The following GLYATL3 variants were observed in gnomAD, a reference collection of about 807,000 sequenced individuals.
GLYATL3 encodes glycine-N-acyltransferase like 3.
GLYATL3 carries 31 observed loss-of-function variants against 28.5 expected under a neutral mutation model. The observed-to-expected ratio is 1.09, with a 90% CI of 0.82 to 1.47. The LOEUF is 1.47. Ranked by LOEUF, GLYATL3 falls within the 40% of genes most tolerant of loss-of-function variation. GLYATL3 has a pLI of 0.00. For missense variants in GLYATL3, 369 were observed against 351.5 expected (o/e 1.05, Z -0.40); for synonymous variants, 141 against 140.2 (o/e 1.01, Z -0.04).
rs1337365871 is a variant in GLYATL3, at chr6:49,515,690, C to T, written c.116C>T (p.Pro39Leu). Reference sequence around the variant, plus strand: ...GTGATGAACATAAATCGTGGGAACCCCTTTCAAAAGGAAGTGGTGTTGGAT... The same window carrying T: ...GTGATGAACATAAATCGTGGGAACCTCTTTCAAAAGGAAGTGGTGTTGGAT... ...GAVMNINRGN[P>L]FQKEVVLDSW... The change falls in exon 3 of 6, where the codon CCC (proline) becomes CTC (leucine). Residue 39 changes from proline (P) to leucine (L), a missense_variant. Pro to Leu is a moderately conservative substitution (Grantham distance 98). Transcript: ENST00000371197. 1 of 1,551,062 alleles carries T rather than the reference C, an allele frequency of 6.4e-7. No homozygotes were observed. The highest frequency in any genetic ancestry group is 2.0e-5 in the Admixed American group (1 of 50,976).
At chr6:49,523,139 T>C (rs1017272559) in intron 5 of GLYATL3, among the ~76,000 whole-genome samples, 1 of 151,864 alleles carries the variant, frequency 6.6e-6, no homozygotes, top group Non-Finnish European at 1.5e-5. Context: ...AAATGCAAAA[T>C]CAACAAAGGG....
At chr6:49,515,525 G>GTA (rs746239587) in intron 2 of GLYATL3, 128 bp from the exon 3 acceptor site, 70 of 588,738 alleles carry the variant, frequency 1.2e-4, no homozygotes, top group Admixed American at 2.1e-4. Flanking sequence ...CTGAATGTAT[G>GTA]TATATATATA....
At chr6:49,514,052 G>A (rs1481389278) in intron 2 of GLYATL3, among the ~76,000 whole-genome samples, 3 of 152,148 alleles carry the variant, frequency 2.0e-5, no homozygotes, top group Non-Finnish European at 4.4e-5. Context: ...GCTACAAAGT[G>A]CACACAATTT....
intron 2 of GLYATL3, among the ~76,000 whole-genome samples, chr6:49,512,711 G>A (rs1434227825): frequency 6.6e-6 from 1 of 152,078 alleles, no homozygotes; most frequent in East Asian, 1.9e-4. Context: ...CCCTATGCCT[G>A]GTTTTCAAAT....
chr6:49,513,854 C>T (rs1183803982), intron 2 of GLYATL3, among the ~76,000 whole-genome samples: 1 of 152,136 alleles, frequency 6.6e-6, no homozygotes, highest in Non-Finnish European at 1.5e-5. Context: ...CTTGTAGTCC[C>T]ATCTACTCGG....
intron 1 of GLYATL3, among the ~76,000 whole-genome samples, chr6:49,502,804 T>A (rs1768938163): frequency 6.6e-6 from 1 of 152,206 alleles, no homozygotes; most frequent in Non-Finnish European, 1.5e-5. Flanking sequence ...TTACTCCTTT[T>A]AATAATTTTC....
intron 2 of GLYATL3, among the ~76,000 whole-genome samples, chr6:49,514,676 T>A (rs1050962063): frequency 1.9e-4 from 25 of 134,344 alleles, no homozygotes; most frequent in Admixed American, 3.2e-4. Flanking sequence ...ACAAAAAAAA[T>A]TTTTTTAATT....
intron 2 of GLYATL3, among the ~76,000 whole-genome samples, chr6:49,512,288 T>A (rs578181589): frequency 1.3e-5 from 2 of 150,328 alleles, no homozygotes; most frequent in Admixed American, 1.3e-4. Flanking sequence ...TTCTTTCTTT[T>A]TTTTTTTTTT....
At position 49,517,474 on chromosome 6, in the gene GLYATL3, G is replaced by A; in HGVS notation, c.231G>A (p.Val77=). 6.5e-7 allele frequency: 1 copy of A among 1,550,110 alleles called. No individual in the cohort carries two copies. The highest frequency in any genetic ancestry group is 8.7e-7 in the Non-Finnish European group (1 of 1,145,788). Residue 77 remains valine (V), a synonymous_variant, in exon 4 of 6, where the codon GTG becomes GTA. Transcript: ENST00000371197. The stretch of plus-strand genomic sequence containing the variant: ...ATCATTATACTAATGCCTATGCTGT[G>A]TTCTACAAGGATGTCAGGGCTTATC... ...NLDHYTNAYA[V]FYKDVRAYRQ...
chr6:49,525,560 C>CAAAAAAAAAAA (rs56711143), intron 5 of GLYATL3, among the ~76,000 whole-genome samples: 1 of 66,594 alleles, frequency 1.5e-5, no homozygotes, highest in African/African-American at 6.5e-5. Context: ...GCAAGGCTCT[C>CAAAAAAAAAAA]AAAAAAAAAA....
At chr6:49,519,954 A>G (rs1023217927) in intron 4 of GLYATL3, among the ~76,000 whole-genome samples, 1 of 152,204 alleles carries the variant, frequency 6.6e-6, no homozygotes, top group South Asian at 2.1e-4. Flanking sequence ...GAGTTTCAGA[A>G]TCCTGCTTAT....
At chr6:49,506,992 G>C (rs999474545) in intron 1 of GLYATL3, among the ~76,000 whole-genome samples, 1 of 152,152 alleles carries the variant, frequency 6.6e-6, no homozygotes, top group African/African-American at 2.4e-5. Flanking sequence ...ATGCCATTCA[G>C]ATGAATGCCA....
In GLYATL3 at chr6:49,526,728, C is replaced by G; in HGVS notation, c.681C>G (p.Ser227Arg). 1 of 1,551,756 alleles carries G rather than the reference C, an allele frequency of 6.4e-7. No individual in the cohort carries two copies. Among genetic ancestry groups the G allele is most frequent in the Non-Finnish European group, 8.7e-7 (1 of 1,147,008 alleles). ...TLPEHRRKGYSRLVALTLARK... is the reference protein window; with the variant it reads ...TLPEHRRKGYRRLVALTLARK... ...CAGAACATCGCAGGAAAGGTTACAG[C>G]CGGCTGGTGGCCCTCACGCTGGCCA... Residue 227 changes from serine to arginine, a missense_variant, in exon 6 of 6, where the codon AGC becomes AGG. Transcript: ENST00000371197.
At chr6:49,510,623 C>T (rs1272205899) in intron 1 of GLYATL3, among the ~76,000 whole-genome samples, 3 of 152,132 alleles carry the variant, frequency 2.0e-5, no homozygotes, top group Non-Finnish European at 4.4e-5. Flanking sequence ...AGAGATGACA[C>T]AAATGAGTGA....
chr6:49,501,985 C>T (rs923862791), intron 1 of GLYATL3, among the ~76,000 whole-genome samples: 1 of 152,188 alleles, frequency 6.6e-6, no homozygotes, highest in African/African-American at 2.4e-5. Context: ...CAGGGGGAAG[C>T]ACATCACGTG....
In GLYATL3 at chr6:49,513,750, T is replaced by C. The variant is rs570383471; in HGVS notation, c.78+1682T>C. Among the ~76,000 whole-genome samples the C allele has an allele frequency of 3.9e-5, 6 of 152,190 alleles. No homozygotes were observed. The East Asian group carries it at 1.2e-3, about 29-fold the overall frequency. ...TGAGGATATGTGAATGAGGTCCAGA[T>C]TGGGTAATATAGAAGAAAGTTGTAC... On this transcript the variant is annotated intron_variant, in intron 2 of 5. Coordinates refer to ENST00000371197, the MANE Select transcript of GLYATL3 (RefSeq NM_001010904.2).
intron 1 of GLYATL3, among the ~76,000 whole-genome samples, chr6:49,510,257 G>A (rs1256903057): frequency 6.6e-6 from 1 of 151,890 alleles, no homozygotes; most frequent in African/African-American, 2.4e-5. Context: ...GGTCAGGCTG[G>A]TCTCGAACTC....
chr6:49,501,538 T>G (rs983331465), intron 1 of GLYATL3, among the ~76,000 whole-genome samples: 1 of 152,208 alleles, frequency 6.6e-6, no homozygotes, highest in African/African-American at 2.4e-5. Flanking sequence ...AATATCTGTA[T>G]GCAGAAGTAC....
At chr6:49,511,845 G>A (rs1365620046) in intron 1 of GLYATL3, 118 bp from the exon 2 acceptor site, 6 of 489,972 alleles carry the variant, frequency 1.2e-5, no homozygotes, top group Non-Finnish European at 2.2e-5. Flanking sequence ...TCCCTCTTCA[G>A]GGGGAGCAAT....
Sources: allele counts gnomAD v4.1 joint callset (sites outside exome capture counted in the v4.1 genomes callset), GRCh38; gene constraint gnomAD v4.1.1; transcripts MANE v1.5; gene names NCBI Gene and HGNC (gene_info 2026-07-23, HGNC 2026-07-21).